The following THADA variants were observed in gnomAD, a reference collection of about 807,000 sequenced individuals.
THADA encodes the protein THADA armadillo repeat containing.
A neutral mutation model predicts 219.8 loss-of-function variants in THADA; 213 were observed. The observed-to-expected ratio is 0.97, with a 90% CI of 0.87 to 1.09. The LOEUF is 1.09. Ranked by LOEUF, THADA falls within the 50% of genes least tolerant of loss-of-function variation. THADA has a pLI of 0.00. For synonymous variants in THADA, 1,018 were observed against 828.9 expected, an observed-to-expected ratio of 1.23 and a Z score of -3.92; for missense variants, 2,956 against 2,311.3, an observed-to-expected ratio of 1.28 and a Z score of -5.72.
chr2:43,408,745 T>C (rs766405816), intron 28 of THADA, among the ~76,000 whole-genome samples: 162 of 152,358 alleles, frequency 1.1e-3, no homozygotes, highest in Non-Finnish European at 1.8e-3. Context: ...AATTCAATCA[T>C]GGACATTTAA....
chr2:43,234,994 T>C (rs1667867411), intron 36 of THADA, among the ~76,000 whole-genome samples: 1 of 150,776 alleles, frequency 6.6e-6, no homozygotes, highest in Admixed American at 6.6e-5. Context: ...CTTTTTTTTT[T>C]TCTCAGACTG....
intron 29 of THADA, among the ~76,000 whole-genome samples, chr2:43,377,989 G>A (rs886546966): frequency 6.6e-6 from 1 of 152,130 alleles, no homozygotes; most frequent in African/African-American, 2.4e-5. Context: ...CCTCAATTTG[G>A]GTTTGTATAG....
At chr2:43,367,515 A>G (rs1431608319) in intron 29 of THADA, among the ~76,000 whole-genome samples, 1 of 152,180 alleles carries the variant, frequency 6.6e-6, no homozygotes, top group East Asian at 1.9e-4. Flanking sequence ...ACCAACTGGT[A>G]TTGTGAGCCT....
At chr2:43,519,130 C>T (rs903706457) in intron 22 of THADA, among the ~76,000 whole-genome samples, 3 of 151,994 alleles carry the variant, frequency 2.0e-5, no homozygotes, top group African/African-American at 7.2e-5. Flanking sequence ...TCTTTAACGT[C>T]TGTCTTGTAA....
chr2:43,523,094 G>A (rs1037462411), intron 22 of THADA, among the ~76,000 whole-genome samples: 7 of 152,174 alleles, frequency 4.6e-5, no homozygotes, highest in South Asian at 2.1e-4. Flanking sequence ...GGCTGGGCGC[G>A]GTGGCTCATG....
At chr2:43,473,051 C>A (rs999325642) in intron 26 of THADA, among the ~76,000 whole-genome samples, 1 of 152,112 alleles carries the variant, frequency 6.6e-6, no homozygotes, top group African/African-American at 2.4e-5. Flanking sequence ...CTACTGGAGA[C>A]TTTATAAACA....
At position 43,320,589 on chromosome 2, in the gene THADA, G is replaced by C. The variant is rs191065255; in HGVS notation, c.4344-49C>G. 5 of 1,439,908 alleles carry C rather than the reference G, an allele frequency of 3.5e-6. No homozygotes were observed. In the East Asian group the frequency reaches 1.1e-4, roughly 33 times the overall value. The allele number at this position is 1,439,908 out of a possible 1,614,324, so 89.2% of individuals were successfully genotyped here. ...TAAATTGAGATTTTCTCTCCCTTAG[G>C]TCTGGGTCTCAGGAAGGAGAACATG... On this transcript the variant is annotated intron_variant, in intron 30 of 37. Transcript: ENST00000405975.
chr2:43,277,558 G>A (rs1341098859), intron 36 of THADA, among the ~76,000 whole-genome samples: 1 of 152,224 alleles, frequency 6.6e-6, no homozygotes, highest in Non-Finnish European at 1.5e-5. Context: ...GCTAGGAGAC[G>A]GTCTGAGAGC....
At chr2:43,588,505 T>C (rs1386313415) in intron 4 of THADA, among the ~76,000 whole-genome samples, 1 of 152,108 alleles carries the variant, frequency 6.6e-6, no homozygotes, top group Non-Finnish European at 1.5e-5. Flanking sequence ...GCATATGATC[T>C]ATAGAGAAGT....
At chr2:43,348,333 T>C (rs943814517) in intron 29 of THADA, among the ~76,000 whole-genome samples, 7 of 152,238 alleles carry the variant, frequency 4.6e-5, no homozygotes, top group African/African-American at 1.7e-4. Flanking sequence ...CCTGTTACTC[T>C]AGTCACTAAG....
At chr2:43,365,706 G>C (rs568393723) in intron 29 of THADA, among the ~76,000 whole-genome samples, 6 of 152,076 alleles carry the variant, frequency 3.9e-5, no homozygotes, top group Non-Finnish European at 5.9e-5. Flanking sequence ...TACAGAAGTA[G>C]ATGATACCAG....
At chr2:43,441,860 A>G (rs896985529) in intron 26 of THADA, among the ~76,000 whole-genome samples, 2 of 152,174 alleles carry the variant, frequency 1.3e-5, no homozygotes, top group African/African-American at 4.8e-5. Context: ...TCAAAACTGT[A>G]ATGTGATCGT....
chr2:43,545,332 T>A (rs545472580), intron 20 of THADA, among the ~76,000 whole-genome samples: 1 of 152,002 alleles, frequency 6.6e-6, no homozygotes, highest in South Asian at 2.1e-4. Context: ...GGTCTATAAT[T>A]CTCTTTTTTG....
chr2:43,268,288 TCATA>T (rs752858771), intron 36 of THADA, among the ~76,000 whole-genome samples: 8 of 152,126 alleles, frequency 5.3e-5, no homozygotes, highest in Non-Finnish European at 7.4e-5. Context: ...CTCCTAACGC[TCATA>T]CAGACATTCA....
intron 26 of THADA, among the ~76,000 whole-genome samples, chr2:43,482,439 T>C (rs1451070495): frequency 1.3e-5 from 2 of 152,120 alleles, no homozygotes; most frequent in African/African-American, 4.8e-5. Flanking sequence ...ACAATTCCAG[T>C]AACATTATGT....
intron 26 of THADA, among the ~76,000 whole-genome samples, chr2:43,459,921 T>C (rs1390046535): frequency 6.6e-6 from 1 of 151,940 alleles, no homozygotes; most frequent in Non-Finnish European, 1.5e-5. Flanking sequence ...ACCAAATGAG[T>C]TCAGCACGGA....
intron 29 of THADA, among the ~76,000 whole-genome samples, chr2:43,345,936 T>C (rs1018872650): frequency 2.0e-5 from 3 of 152,248 alleles, no homozygotes; most frequent in African/African-American, 7.2e-5. Flanking sequence ...AAAACAAGAC[T>C]GTTTTTGAAA....
rs1684108376 is a variant in THADA at position 43,465,325 on chromosome 2, C to CATTT, written c.3836+19905_3836+19908dup. ...TTCCCTTTCATTATTTCTCCAGTTA[C>CATTT]ATTTAAGGACTTAACACTCCAAAAC... On this transcript the variant is annotated intron_variant, in intron 26 of 37. Coordinates refer to ENST00000405975, the MANE Select transcript of THADA (RefSeq NM_022065.5). Among the ~76,000 whole-genome samples, 10 of 152,312 alleles carry CATTT rather than the reference C, an allele frequency of 6.6e-5. No homozygotes were observed. The South Asian group carries it at 1.9e-3, about 28-fold the overall frequency.
chr2:43,251,473 G>A (rs760788477), intron 36 of THADA, among the ~76,000 whole-genome samples: 2 of 152,222 alleles, frequency 1.3e-5, no homozygotes, highest in African/African-American at 2.4e-5. Flanking sequence ...AAACCCATTT[G>A]TTGCTCTCTG....
Sources: allele counts gnomAD v4.1 joint callset (sites outside exome capture counted in the v4.1 genomes callset), GRCh38; gene constraint gnomAD v4.1.1; transcripts MANE v1.5; gene names NCBI Gene and HGNC (gene_info 2026-07-23, HGNC 2026-07-21).